Variants in RELN observed in about 807,000 individuals in gnomAD.
RELN encodes the protein reelin.
A neutral mutation model predicts 427.6 loss-of-function variants in RELN; 108 were observed. That is an observed-to-expected ratio of 0.25 (90% CI 0.22 to 0.30). The LOEUF (loss-of-function observed/expected upper bound fraction) is 0.30. Ranked by LOEUF, RELN falls within the 10% of genes least tolerant of loss-of-function variation. The pLI, the probability that RELN is intolerant of heterozygous loss-of-function variation, is 1.00. For synonymous variants in RELN, 1,524 were observed against 1,513.4 expected (o/e 1.01, Z -0.16); for missense variants, 3,715 against 4,302.8 (o/e 0.86, Z 3.82).
At chr7:103,666,037 A>G (rs967648130) in intron 11 of RELN, among the ~76,000 whole-genome samples, 2 of 151,726 alleles carry the variant, frequency 1.3e-5, no homozygotes, top group Non-Finnish European at 2.9e-5. Flanking sequence ...TTCATTTTAA[A>G]AAGTTTTCTT....
chr7:103,864,479 C>T (rs1410027421), intron 2 of RELN, among the ~76,000 whole-genome samples: 1 of 152,098 alleles, frequency 6.6e-6, no homozygotes, highest in Admixed American at 6.6e-5. Context: ...TGGCAACCAC[C>T]ATTCTATTCT....
At chr7:103,724,780 A>G (rs1790162814) in intron 7 of RELN, among the ~76,000 whole-genome samples, 1 of 152,064 alleles carries the variant, frequency 6.6e-6, no homozygotes. Context: ...TTAGTAAAAT[A>G]TCAGCTACAA....
intron 1 of RELN, among the ~76,000 whole-genome samples, chr7:103,927,813 A>G (rs1167742007): frequency 6.6e-6 from 1 of 152,184 alleles, no homozygotes; most frequent in East Asian, 1.9e-4. Flanking sequence ...CCAGGCGTGA[A>G]TAATTACCAG....
At chr7:103,719,062 T>C (rs1790010679) in intron 8 of RELN, among the ~76,000 whole-genome samples, 1 of 152,196 alleles carries the variant, frequency 6.6e-6, no homozygotes, top group African/African-American at 2.4e-5. Context: ...CTCTATTAAA[T>C]AACTAAAGAA....
chr7:103,813,157 C>G (rs1472025550), intron 3 of RELN, among the ~76,000 whole-genome samples: 1 of 151,844 alleles, frequency 6.6e-6, no homozygotes, highest in African/African-American at 2.4e-5. Context: ...TACTGGAAAC[C>G]CTTTCTCTTT....
intron 53 of RELN, 27 bp from the exon 54 acceptor site, chr7:103,498,279 T>C: frequency 1.3e-6 from 2 of 1,599,924 alleles, no homozygotes; most frequent in South Asian, 1.1e-5. Context: ...CCAGATGTGG[T>C]TAAAAAAACA....
intron 3 of RELN, among the ~76,000 whole-genome samples, chr7:103,798,048 T>C (rs1051090829): frequency 6.6e-6 from 1 of 152,192 alleles, no homozygotes; most frequent in African/African-American, 2.4e-5. Context: ...TTTGCTTCTT[T>C]AGGCTTTCCC....
chr7:103,574,755 C>T (rs1830960562), intron 29 of RELN, among the ~76,000 whole-genome samples: 1 of 152,070 alleles, frequency 6.6e-6, no homozygotes, highest in Non-Finnish European at 1.5e-5. Flanking sequence ...GGTCACGTGC[C>T]AGATGAAGGC....
At chr7:103,588,274 A>G (rs993078493) in intron 28 of RELN, among the ~76,000 whole-genome samples, 33 of 152,224 alleles carry the variant, frequency 2.2e-4, no homozygotes, top group Admixed American at 2.0e-3. Flanking sequence ...AGGGTCAAAA[A>G]GACAAATATT....
chr7:103,797,038 A>T (rs17133096), intron 3 of RELN, among the ~76,000 whole-genome samples: 10,003 of 152,098 alleles, frequency 0.066, 596 homozygotes, highest in African/African-American at 0.16. Context: ...TCTCTCCGTA[A>T]GTTCCTTTTA....
In RELN at chr7:103,472,800, CTT is replaced by C; in HGVS notation, c.*10_*11del. ...CACATGTTGGAAGAAAAAAAATAAA[CTT>C]TTTGATTCTTCATGGGTATCGCCTA... is the stretch of plus-strand genomic sequence containing the variant. On this transcript the variant is annotated 3_prime_UTR_variant, in exon 65 of 65. Transcript: ENST00000428762. The C allele has an allele frequency of 6.2e-7, 1 of 1,603,088 alleles. No individual in the cohort carries two copies. The highest frequency in any genetic ancestry group is 1.1e-5 in the South Asian group (1 of 90,876).
intron 57 of RELN, among the ~76,000 whole-genome samples, chr7:103,495,042 C>T (rs750368380): frequency 1.3e-5 from 2 of 151,978 alleles, no homozygotes; most frequent in East Asian, 3.9e-4. Flanking sequence ...GGCAGAGTGC[C>T]CTATTTGAGC....
intron 3 of RELN, among the ~76,000 whole-genome samples, chr7:103,794,414 C>T (rs1792246353): frequency 6.6e-6 from 1 of 152,182 alleles, no homozygotes; most frequent in Non-Finnish European, 1.5e-5. Context: ...CCTTCTTTCC[C>T]CAACCAAAGA....
intron 53 of RELN, among the ~76,000 whole-genome samples, chr7:103,500,079 G>A (rs1192881603): frequency 6.6e-6 from 1 of 152,112 alleles, no homozygotes; most frequent in Non-Finnish European, 1.5e-5. Context: ...CAATCACTAG[G>A]AATTTTGCTT....
intron 11 of RELN, among the ~76,000 whole-genome samples, chr7:103,679,092 A>G (rs1446210079): frequency 2.6e-5 from 4 of 152,254 alleles, no homozygotes; most frequent in Non-Finnish European, 5.9e-5. Context: ...AAAAATTATT[A>G]TATCAGCATT....
At chr7:103,908,554 C>A (rs2116643774) in intron 2 of RELN, among the ~76,000 whole-genome samples, 1 of 152,274 alleles carries the variant, frequency 6.6e-6, no homozygotes, top group Admixed American at 6.5e-5. Context: ...ACTTTCTCTA[C>A]TAACTCCTCC....
At chr7:103,948,962 C>T (rs569900092) in intron 1 of RELN, among the ~76,000 whole-genome samples, 1 of 148,558 alleles carries the variant, frequency 6.7e-6, no homozygotes, top group Non-Finnish European at 1.5e-5. Context: ...CTGCAATGAG[C>T]CTCGGCCCTT....
At chr7:103,952,903 G>C (rs1796362142) in intron 1 of RELN, among the ~76,000 whole-genome samples, 1 of 152,110 alleles carries the variant, frequency 6.6e-6, no homozygotes, top group Non-Finnish European at 1.5e-5. Context: ...TTACTAACCG[G>C]GAAAACGGTA....
chr7:103,697,447 C>A (rs780965603), intron 10 of RELN, among the ~76,000 whole-genome samples: 1 of 152,072 alleles, frequency 6.6e-6, no homozygotes. Context: ...GGATTTGGTA[C>A]TGTTATACTG....
Sources: gnomAD v4.1 joint callset for allele counts (sites outside exome capture counted in the v4.1 genomes callset) on GRCh38, gnomAD v4.1.1 for gene constraint, MANE v1.5 for transcripts, NCBI Gene and HGNC (gene_info 2026-07-23, HGNC 2026-07-21) for gene names.